Variants in NXPE2 observed in about 807,000 individuals in gnomAD.
The protein encoded by NXPE2 is NXPE family member 2.
A neutral mutation model predicts 34.4 loss-of-function variants in NXPE2; 34 were observed. The ratio of observed to expected loss-of-function variants is 0.99; its 90% CI spans 0.75 to 1.31. The LOEUF (loss-of-function observed/expected upper bound fraction) is 1.31, where lower values mean the gene tolerates loss of function less well. NXPE2 is among the 40% of genes most tolerant of loss of function. The pLI, the probability that NXPE2 is intolerant of heterozygous loss-of-function variation, is 0.00. For synonymous variants in NXPE2, 235 were observed against 231.3 expected (o/e 1.02, Z -0.15); for missense variants, 649 against 672.5 (o/e 0.97, Z 0.39).
chr11:114,659,055 C>A, the NXPE2 span, among the ~76,000 whole-genome samples: 1 of 152,090 alleles, frequency 6.6e-6, no homozygotes, highest in Non-Finnish European at 1.5e-5. Context: ...ACCAAGTAAC[C>A]AGAAAAATTT....
chr11:114,484,829 A>C, the NXPE2 span, among the ~76,000 whole-genome samples: 235 of 152,342 alleles, frequency 1.5e-3, no homozygotes, highest in African/African-American at 5.3e-3. Context: ...ATTTGTTTAT[A>C]GAATGATAAA....
At chr11:114,529,983 T>C in the NXPE2 span, 2 of 554,368 alleles carry the variant, frequency 3.6e-6, no homozygotes, top group Admixed American at 3.5e-5. Context: ...AACACATGAC[T>C]GAATGGGACA....
At chr11:114,694,484 G>T (rs1951211754) in intron 2 of NXPE2, among the ~76,000 whole-genome samples, 1 of 152,040 alleles carries the variant, frequency 6.6e-6, no homozygotes, top group African/African-American at 2.4e-5. Flanking sequence ...CTTGGTGTCT[G>T]TTATTAGTTT....
At chr11:114,553,474 C>G in the NXPE2 span, among the ~76,000 whole-genome samples, 1 of 152,152 alleles carries the variant, frequency 6.6e-6, no homozygotes, top group Non-Finnish European at 1.5e-5. Context: ...TTGAGAGTGG[C>G]CAGAGAGCTT....
At chr11:114,792,599 C>T in the NXPE2 span, among the ~76,000 whole-genome samples, 5 of 152,106 alleles carry the variant, frequency 3.3e-5, no homozygotes, top group African/African-American at 1.2e-4. Flanking sequence ...CCATGTGATA[C>T]CAGCCATCCA....
chr11:114,674,554 G>A (rs1950836259), upstream of NXPE2, among the ~76,000 whole-genome samples: 1 of 150,768 alleles, frequency 6.6e-6, no homozygotes, highest in Non-Finnish European at 1.5e-5. Context: ...GAAAGATAAG[G>A]AGGAATCAAA....
chr11:114,809,790 C>T, the NXPE2 span, among the ~76,000 whole-genome samples: 1 of 90,724 alleles, frequency 1.1e-5, no homozygotes, highest in African/African-American at 3.9e-5. Flanking sequence ...GACTCAATGC[C>T]ATCCCCATCA....
the NXPE2 span, chr11:114,583,434 C>A: frequency 1.5e-6 from 1 of 667,312 alleles, no homozygotes; most frequent in Non-Finnish European, 2.8e-6. Context: ...AAAGCCAATG[C>A]TGAGGAGATG....
rs566186398 is a variant in NXPE2 at position 114,678,894 on chromosome 11, T to C, written c.26+293T>C. Among the ~76,000 whole-genome samples the C allele has an allele frequency of 9.7e-4, 146 of 150,328 alleles. 1 individual carries two copies. The highest frequency in any genetic ancestry group is 8.2e-3 in the Admixed American group (123 of 15,078). On this transcript the variant is annotated intron_variant, in intron 1 of 5. Transcript: ENST00000389586. ...TGTGTATGCATTCATGTGTCCTGAGTTGGATTTGGTATGATGTTTTTTTTC... is the reference window on the plus strand; with the variant it reads ...TGTGTATGCATTCATGTGTCCTGAGCTGGATTTGGTATGATGTTTTTTTTC...
At chr11:114,662,209 A>G in the NXPE2 span, among the ~76,000 whole-genome samples, 2 of 148,360 alleles carry the variant, frequency 1.3e-5, no homozygotes, top group Non-Finnish European at 3.0e-5. Flanking sequence ...CATAGTGTGG[A>G]GAGTGTTTCT....
the NXPE2 span, chr11:114,530,586 GC>G: frequency 6.2e-7 from 1 of 1,614,102 alleles, no homozygotes; most frequent in Non-Finnish European, 8.5e-7. Context: ...GGACATCCTG[GC>G]CCTCAGGAAA....
At chr11:114,656,869 G>C in the NXPE2 span, among the ~76,000 whole-genome samples, 1 of 152,246 alleles carries the variant, frequency 6.6e-6, no homozygotes, top group African/African-American at 2.4e-5. Flanking sequence ...GAGATGGGCA[G>C]ATCACAAGGT....
chr11:114,765,394 TTGA>T, the NXPE2 span, among the ~76,000 whole-genome samples: 1 of 152,252 alleles, frequency 6.6e-6, no homozygotes, highest in African/African-American at 2.4e-5. Context: ...AGTTTCTGTG[TTGA>T]TATTTTTCAG....
chr11:114,796,152 TA>T, the NXPE2 span, among the ~76,000 whole-genome samples: 2 of 152,162 alleles, frequency 1.3e-5, no homozygotes, highest in Non-Finnish European at 2.9e-5. Flanking sequence ...AGGAAGCAAA[TA>T]AAAATAACAT....
the NXPE2 span, among the ~76,000 whole-genome samples, chr11:114,725,634 C>T: frequency 6.6e-6 from 1 of 151,962 alleles, no homozygotes; most frequent in African/African-American, 2.4e-5. Flanking sequence ...TCTCTCACTC[C>T]CCACCCTCTG....
chr11:114,611,054 G>A, the NXPE2 span, among the ~76,000 whole-genome samples: 487 of 149,080 alleles, frequency 3.3e-3, 3 homozygotes, highest in Middle Eastern at 7.8e-3. Flanking sequence ...TAAGTGTTGC[G>A]TCATGGGTAA....
the NXPE2 span, among the ~76,000 whole-genome samples, chr11:114,564,285 C>G: frequency 6.6e-6 from 1 of 152,040 alleles, no homozygotes. Context: ...AAAAAGTGAT[C>G]CAGTGAACTT....
At chr11:114,783,766 C>T in the NXPE2 span, among the ~76,000 whole-genome samples, 2 of 152,152 alleles carry the variant, frequency 1.3e-5, no homozygotes, top group Admixed American at 6.5e-5. Flanking sequence ...TTCTCAAATT[C>T]ATCTTTTGCA....
At chr11:114,712,854 A>G in the NXPE2 span, among the ~76,000 whole-genome samples, 1 of 152,218 alleles carries the variant, frequency 6.6e-6, no homozygotes, top group Non-Finnish European at 1.5e-5. Flanking sequence ...ACTATTTCCA[A>G]TAGCCAAGAG....
Sources: allele counts gnomAD v4.1 joint callset (sites outside exome capture counted in the v4.1 genomes callset), GRCh38; gene constraint gnomAD v4.1.1; transcripts MANE v1.5; gene names NCBI Gene and HGNC (gene_info 2026-07-23, HGNC 2026-07-21).